AASS: variants seen among roughly 807,000 people sequenced by gnomAD.
The protein encoded by AASS is alpha-aminoadipic semialdehyde synthase, mitochondrial.
A neutral mutation model predicts 105.4 loss-of-function variants in AASS; 86 were observed. The ratio of observed to expected loss-of-function variants is 0.82; its 90% confidence interval spans 0.69 to 0.98. The LOEUF is 0.98. AASS is among the 50% of genes least tolerant of loss of function. The probability of loss-of-function intolerance (pLI) is 0.00; values close to 1 mark genes in which losing one functional copy is unlikely to be tolerated. For missense variants in AASS, 1,048 were observed against 1,143.2 expected (o/e 0.92, Z 1.20); for synonymous variants, 381 against 394.8 (o/e 0.96, Z 0.41).
chr7:122,098,635 A>G (rs1794282732), intron 14 of AASS, 59 bp from the exon 15 acceptor site: 4 of 1,581,794 alleles, frequency 2.5e-6, no homozygotes, highest in East Asian at 2.3e-5. Context: ...ATATTTTAAC[A>G]TCTCCAAAAA....
intron 11 of AASS, among the ~76,000 whole-genome samples, chr7:122,108,804 G>A (rs1794791738): frequency 1.3e-5 from 2 of 151,108 alleles, no homozygotes; most frequent in South Asian, 4.3e-4. Flanking sequence ...GGATGTTCTA[G>A]TCAGTGTAAC....
intron 1 of AASS, among the ~76,000 whole-genome samples, chr7:122,134,087 TA>T (rs1291757189): frequency 6.6e-6 from 1 of 152,058 alleles, no homozygotes; most frequent in Non-Finnish European, 1.5e-5. Context: ...AGGAAAATAA[TA>T]AAGAGCAAGA....
chr7:122,115,067 T>C lies in AASS; in HGVS notation c.1043+7A>G. ...AACTACTATCGTTGCTGAAGTAGAG[T>C]CCTTACTTGTGTGGTAATGCAGGGC... On this transcript the variant is annotated splice_region_variant and intron_variant, in intron 9 of 23. Transcript: ENST00000417368. 6.2e-7 allele frequency: 1 copy of C among 1,614,028 alleles called. No homozygotes were observed. The highest frequency in any genetic ancestry group is 2.2e-5 in the East Asian group (1 of 44,866).
At chr7:122,101,876 T>TCAGCACATC (rs1480728342) in intron 11 of AASS, among the ~76,000 whole-genome samples, 196 bp from the exon 12 acceptor site, 1 of 151,954 alleles carries the variant, frequency 6.6e-6, no homozygotes, top group East Asian at 1.9e-4. Flanking sequence ...CTATGGTGTT[T>TCAGCACATC]CAGCACAAGT....
At chr7:122,107,400 G>A (rs1794715491) in intron 11 of AASS, among the ~76,000 whole-genome samples, 1 of 152,042 alleles carries the variant, frequency 6.6e-6, no homozygotes, top group Admixed American at 6.6e-5. Flanking sequence ...TATACCCAAA[G>A]GAATATAAAA....
intron 1 of AASS, among the ~76,000 whole-genome samples, chr7:122,143,960 G>T (rs1182559712): frequency 6.6e-6 from 1 of 152,056 alleles, no homozygotes; most frequent in East Asian, 1.9e-4. Flanking sequence ...TCCATTCCTC[G>T]CAGGGAGGCC....
Position 122,101,447 on chromosome 7 carries a change from A to G in AASS, c.1339-9T>C. 6.3e-7 allele frequency: 1 copy of G among 1,599,456 alleles called. No individual in the cohort carries two copies. Among genetic ancestry groups the G allele is most frequent in the Non-Finnish European group, 8.6e-7 (1 of 1,167,316 alleles). ...TTGGATGTAATCACTGCCTAAATGT[A>G]TATGACACAAGACATTTCTTTAGTA... On this transcript the variant is annotated splice_polypyrimidine_tract_variant and intron_variant, in intron 12 of 23. Transcript: ENST00000417368.
intron 3 of AASS, among the ~76,000 whole-genome samples, chr7:122,127,207 A>G (rs1795698841): frequency 6.6e-6 from 1 of 152,008 alleles, no homozygotes. Context: ...TATGTCATTT[A>G]TCTTCCTTGC....
chr7:122,134,510 C>T (rs1045331620), intron 1 of AASS, among the ~76,000 whole-genome samples: 1 of 152,156 alleles, frequency 6.6e-6, no homozygotes, highest in Non-Finnish European at 1.5e-5. Flanking sequence ...GGTGCACAAC[C>T]ACCCACCTGG....
At chr7:122,131,500 A>T (rs1254918261) in intron 2 of AASS, among the ~76,000 whole-genome samples, 1 of 152,008 alleles carries the variant, frequency 6.6e-6, no homozygotes, top group African/African-American at 2.4e-5. Context: ...GAGAAAACAG[A>T]TGCAAATATA....
chr7:122,089,380 C>A (rs1208678698), intron 18 of AASS, among the ~76,000 whole-genome samples: 2 of 152,092 alleles, frequency 1.3e-5, no homozygotes, highest in East Asian at 3.9e-4. Flanking sequence ...CAGGTGGGAC[C>A]TTGAAAAAAG....
intron 22 of AASS, 107 bp from the exon 23 acceptor site, chr7:122,078,121 A>G (rs1562898688): frequency 9.6e-7 from 1 of 1,043,280 alleles, no homozygotes; most frequent in Non-Finnish European, 1.5e-6. Context: ...CTCCTTTTAT[A>G]TATGATCACT....
chr7:122,085,466 C>T (rs1238789249), intron 19 of AASS, among the ~76,000 whole-genome samples: 1 of 151,848 alleles, frequency 6.6e-6, no homozygotes, highest in Non-Finnish European at 1.5e-5. Flanking sequence ...CCTTTCATCC[C>T]GTCCGTTTCC....
chr7:122,129,897 T>A (rs1328341474), intron 2 of AASS, among the ~76,000 whole-genome samples: 1 of 152,136 alleles, frequency 6.6e-6, no homozygotes, highest in East Asian at 1.9e-4. Context: ...TGTGATTTAT[T>A]AGTTGTATTT....
intron 11 of AASS, among the ~76,000 whole-genome samples, chr7:122,107,376 C>T (rs1313999968): frequency 1.3e-5 from 2 of 152,078 alleles, no homozygotes; most frequent in Non-Finnish European, 2.9e-5. Context: ...ACCCAGCAAT[C>T]CATTACTGGG....
intron 13 of AASS, among the ~76,000 whole-genome samples, chr7:122,099,248 T>C (rs1794320426): frequency 6.6e-6 from 1 of 151,862 alleles, no homozygotes; most frequent in African/African-American, 2.4e-5. Flanking sequence ...TTCAAAATCA[T>C]ACAAGGGGTT....
chr7:122,091,241 G>A (rs931435137), intron 18 of AASS, among the ~76,000 whole-genome samples: 56 of 152,168 alleles, frequency 3.7e-4, no homozygotes, highest in African/African-American at 1.3e-3. Context: ...GGCAGCTGGG[G>A]AAGAAATTAT....
At chr7:122,109,988 T>G (rs1336057390) in intron 11 of AASS, among the ~76,000 whole-genome samples, 1 of 151,918 alleles carries the variant, frequency 6.6e-6, no homozygotes, top group Non-Finnish European at 1.5e-5. Context: ...AAAAATGGGC[T>G]GTACTCAAAG....
chr7:122,108,754 T>C (rs1371080301), intron 11 of AASS, among the ~76,000 whole-genome samples: 2 of 151,886 alleles, frequency 1.3e-5, no homozygotes, highest in Admixed American at 6.6e-5. Context: ...TTCTCTAAGA[T>C]ATGGAACAAG....
Sources: allele counts gnomAD v4.1 joint callset (sites outside exome capture counted in the v4.1 genomes callset), GRCh38; gene constraint gnomAD v4.1.1; transcripts MANE v1.5; gene names NCBI Gene and HGNC (gene_info 2026-07-23, HGNC 2026-07-21).